Variants in SLC29A3 observed in about 807,000 individuals in gnomAD.
SLC29A3 encodes equilibrative nucleoside transporter 3.
In SLC29A3, 18 loss-of-function variants were observed where a neutral mutation model predicts 25.4. The observed-to-expected ratio is 0.71, with a 90% CI of 0.49 to 1.05. The LOEUF (loss-of-function observed/expected upper bound fraction) is 1.05, where lower values mean the gene tolerates loss of function less well. SLC29A3 is among the 50% of genes least tolerant of loss of function. The probability of loss-of-function intolerance (pLI) is 0.00; values close to 1 mark genes in which losing one functional copy is unlikely to be tolerated. For synonymous variants in SLC29A3, 258 were observed against 267.1 expected, an observed-to-expected ratio of 0.97 and a Z score of 0.33; for missense variants, 586 against 609.0, an observed-to-expected ratio of 0.96 and a Z score of 0.40.
exon 5 of SLC29A3, chr10:71,381,119 A>G (rs1847300288): frequency 6.6e-6 from 1 of 152,236 alleles, no homozygotes; most frequent in South Asian, 2.1e-4. Flanking sequence ...AAACATAACC[A>G]CAAATACATG....
At chr10:71,323,728 GGATAATTA>G (rs1418361340) in intron 2 of SLC29A3, among the ~76,000 whole-genome samples, 2 of 152,184 alleles carry the variant, frequency 1.3e-5, no homozygotes, top group Non-Finnish European at 2.9e-5. Context: ...GAATCCGAAG[GGATAATTA>G]GTCTGATCAC....
chr10:71,332,955 G>A (rs955555981), intron 2 of SLC29A3, among the ~76,000 whole-genome samples: 7 of 152,102 alleles, frequency 4.6e-5, no homozygotes, highest in African/African-American at 1.4e-4. Context: ...CCCGCGCTGC[G>A]CTCCCTTGCC....
At chr10:71,338,119 C>G (rs183793061) in intron 2 of SLC29A3, among the ~76,000 whole-genome samples, 118 of 152,358 alleles carry the variant, frequency 7.7e-4, no homozygotes, top group South Asian at 4.6e-3. Context: ...GAGGAACCCC[C>G]ATGCCCACCC....
At chr10:71,371,024 ACTCAC>A (rs1847207829) in intron 3 of SLC29A3, among the ~76,000 whole-genome samples, 1 of 151,420 alleles carries the variant, frequency 6.6e-6, no homozygotes, top group Admixed American at 6.6e-5. Flanking sequence ...CAAACGATCT[ACTCAC>A]CTCAGCCTCC....
intron 2 of SLC29A3, among the ~76,000 whole-genome samples, chr10:71,340,428 C>A (rs917701571): frequency 1.3e-5 from 2 of 152,256 alleles, no homozygotes; most frequent in Non-Finnish European, 2.9e-5. Flanking sequence ...CCCTGACGAT[C>A]TTCTCATCCC....
intron 3 of SLC29A3, among the ~76,000 whole-genome samples, chr10:71,347,102 T>C (rs1846609862): frequency 6.6e-6 from 1 of 152,134 alleles, no homozygotes; most frequent in Non-Finnish European, 1.5e-5. Flanking sequence ...TGTGGGAAGA[T>C]GGTCTGGGGC....
downstream of SLC29A3, among the ~76,000 whole-genome samples, chr10:71,368,240 A>G (rs1451080922): frequency 6.6e-6 from 1 of 151,936 alleles, no homozygotes; most frequent in Non-Finnish European, 1.5e-5. Flanking sequence ...GTCTCTAAAA[A>G]AAATAAAAAA....
chr10:71,367,335 C>T (rs1256316307), downstream of SLC29A3, among the ~76,000 whole-genome samples: 1 of 152,144 alleles, frequency 6.6e-6, no homozygotes, highest in Admixed American at 6.6e-5. Flanking sequence ...TGAGACAGAG[C>T]TTTAGAGGTC....
intron 4 of SLC29A3, 49 bp downstream of exon 4, chr10:71,351,837 C>A (rs1248167339): frequency 6.6e-7 from 1 of 1,521,424 alleles, no homozygotes. Context: ...ACCCAGGAGT[C>A]ATGGGAGGGA....
intron 2 of SLC29A3, among the ~76,000 whole-genome samples, chr10:71,343,660 G>A (rs1322765815): frequency 6.6e-6 from 1 of 152,184 alleles, no homozygotes; most frequent in African/African-American, 2.4e-5. Context: ...TGGGTCACAA[G>A]AAAACCCAAG....
At position 71,361,956 on chromosome 10, in the gene SLC29A3, AC is replaced by A. The variant is rs745925819; in HGVS notation, c.777del (p.Tyr260ThrfsTer2). 6.2e-7 allele frequency: 1 copy of A among 1,614,048 alleles called. No homozygotes were observed. The highest frequency in any genetic ancestry group is 1.3e-5 in the African/African-American group (1 of 75,034). On this transcript the variant is annotated frameshift_variant, in exon 6 of 6. Transcript: ENST00000373189. LOFTEE classifies it low-confidence loss of function (END_TRUNC). ...LLLSRLEYAR[Y>X]YMRPVLAAHV... ...GTGGCCCTGTCTCCTCCCTGCAGGT[AC>A]TACATGAGGCCTGTTCTTGCGGCCC...
chr10:71,344,401 A>G (rs1044774440), intron 3 of SLC29A3, 110 bp downstream of exon 3: 4 of 810,804 alleles, frequency 4.9e-6, no homozygotes, highest in African/African-American at 1.7e-5. Context: ...GTGGTCACCA[A>G]AGTAGGATGC....
In SLC29A3 at chr10:71,362,099, A is replaced by G. The variant is rs1359042443; in HGVS notation, c.919A>G (p.Ser307Gly). The change falls in exon 6 of 6, where the codon AGC becomes GGC. Residue 307 changes from serine to glycine, a missense_variant. Ser to Gly is a moderately conservative substitution (Grantham distance 56). Coordinates refer to ENST00000373189, the MANE Select transcript of SLC29A3 (RefSeq NM_018344.6). The stretch of plus-strand genomic sequence containing the variant: ...CCGCCCCATCCTGAAGAAGACGGCC[A>G]GCCTGGGCTTCTGTGTCACCTACGT... ...PLRPILKKTA[S>G]LGFCVTYVFF... 1.9e-6 allele frequency: 3 copies of G among 1,613,970 alleles called. No individual in the cohort carries two copies. In the African/African-American group the frequency reaches 4.0e-5, roughly 22 times the overall value.
chr10:71,340,589 C>T (rs932894771), intron 2 of SLC29A3, among the ~76,000 whole-genome samples: 2 of 152,168 alleles, frequency 1.3e-5, no homozygotes, highest in African/African-American at 4.8e-5. Flanking sequence ...TGAACGATCC[C>T]CAAACACTGC....
intron 5 of SLC29A3, among the ~76,000 whole-genome samples, chr10:71,360,369 C>T (rs1847025061): frequency 1.3e-5 from 2 of 152,064 alleles, no homozygotes; most frequent in Non-Finnish European, 2.9e-5. Flanking sequence ...TCTTGAACTC[C>T]TAACCTCAAG....
At chr10:71,379,130 G>A (rs951594955) in intron 4 of SLC29A3, among the ~76,000 whole-genome samples, 4 of 152,218 alleles carry the variant, frequency 2.6e-5, no homozygotes, top group African/African-American at 9.7e-5. Context: ...GATTTAAGTG[G>A]CTTGCCCAAG....
intron 2 of SLC29A3, among the ~76,000 whole-genome samples, chr10:71,329,319 C>A (rs1175945360): frequency 6.6e-6 from 1 of 152,014 alleles, no homozygotes; most frequent in East Asian, 1.9e-4. Context: ...AGAAAATACC[C>A]CACCTGCGTG....
chr10:71,349,119 G>A (rs544901189), intron 3 of SLC29A3, among the ~76,000 whole-genome samples: 1 of 152,224 alleles, frequency 6.6e-6, no homozygotes, highest in Non-Finnish European at 1.5e-5. Context: ...TAAAAGGGAG[G>A]GCACATGGGC....
chr10:71,319,322 C>A lies in SLC29A3; in HGVS notation c.1+12C>A. Reference sequence around the variant, plus strand: ...GCGCAGCGGCGACAGTAAGTGCGGGCCGGCTCGGGCTCTTCCGGCTACGGT... The same window carrying A: ...GCGCAGCGGCGACAGTAAGTGCGGGACGGCTCGGGCTCTTCCGGCTACGGT... On this transcript the variant is annotated intron_variant, in intron 1 of 5. Coordinates refer to ENST00000373189, the MANE Select transcript of SLC29A3 (RefSeq NM_018344.6). 1 of 646,726 alleles carries A rather than the reference C, an allele frequency of 1.5e-6. No homozygotes were observed. Among genetic ancestry groups the A allele is most frequent in the Non-Finnish European group, 2.8e-6 (1 of 360,008 alleles). 40.1% of individuals were successfully genotyped at this position (646,726 alleles called of 1,614,324 possible). A position where few individuals can be genotyped will look rare whatever the true frequency, so the allele number is the denominator to read the frequency against.
Sources: allele counts gnomAD v4.1 joint callset (sites outside exome capture counted in the v4.1 genomes callset), GRCh38; gene constraint gnomAD v4.1.1; transcripts MANE v1.5; gene names NCBI Gene and HGNC (gene_info 2026-07-23, HGNC 2026-07-21).